The following PLPP4 variants were observed in gnomAD, a reference collection of about 807,000 sequenced individuals.
PLPP4 encodes the protein diacylglycerol pyrophosphate like 2.
In PLPP4, 20 loss-of-function variants were observed where a neutral mutation model predicts 32.2. That is an observed-to-expected ratio of 0.62 (90% CI 0.44 to 0.90). PLPP4 has a LOEUF of 0.90. PLPP4 is among the 40% of genes least tolerant of loss of function. The pLI, the probability that PLPP4 is intolerant of heterozygous loss-of-function variation, is 0.00. For synonymous variants in PLPP4, 127 were observed against 133.0 expected (o/e 0.95, Z 0.31); for missense variants, 257 against 353.1 (o/e 0.73, Z 2.18).
chr10:120,558,796 C>A (rs1031313220), intron 5 of PLPP4, among the ~76,000 whole-genome samples: 1 of 152,176 alleles, frequency 6.6e-6, no homozygotes, highest in Admixed American at 6.5e-5. Context: ...TTCTAATGCT[C>A]ATGGACATTT....
At chr10:120,560,990 A>G (rs1848408021) in intron 5 of PLPP4, among the ~76,000 whole-genome samples, 1 of 152,136 alleles carries the variant, frequency 6.6e-6, no homozygotes, top group Non-Finnish European at 1.5e-5. Flanking sequence ...GGTCAACTGT[A>G]TATGTAATCA....
At chr10:120,528,130 A>T (rs1284326345) in intron 5 of PLPP4, among the ~76,000 whole-genome samples, 2 of 124,576 alleles carry the variant, frequency 1.6e-5, no homozygotes, top group African/African-American at 6.4e-5. Flanking sequence ...GCTGGAGTGC[A>T]GCGGCGCGAT....
At chr10:120,556,762 T>C (rs762403240) in intron 5 of PLPP4, among the ~76,000 whole-genome samples, 14 of 152,194 alleles carry the variant, frequency 9.2e-5, no homozygotes, top group Non-Finnish European at 1.6e-4. Context: ...AGTATCTTGC[T>C]TGAGGTCACA....
chr10:120,572,803 A>C (rs1849005314), intron 5 of PLPP4, among the ~76,000 whole-genome samples: 1 of 152,228 alleles, frequency 6.6e-6, no homozygotes, highest in South Asian at 2.1e-4. Context: ...GGGGATGAGG[A>C]TAGAATTTAA....
At chr10:120,499,907 C>T (rs916167634) in intron 1 of PLPP4, among the ~76,000 whole-genome samples, 2 of 152,156 alleles carry the variant, frequency 1.3e-5, no homozygotes, top group African/African-American at 4.8e-5. Context: ...CATGTCCTCT[C>T]TTGGGAACAC....
chr10:120,576,743 T>C (rs1047400653), intron 6 of PLPP4, among the ~76,000 whole-genome samples: 6 of 152,242 alleles, frequency 3.9e-5, no homozygotes, highest in African/African-American at 1.2e-4. Context: ...GGTCTGAACC[T>C]GCCCTTGTTC....
At chr10:120,486,573 C>T (rs781732984) in intron 1 of PLPP4, among the ~76,000 whole-genome samples, 4 of 152,256 alleles carry the variant, frequency 2.6e-5, no homozygotes, top group East Asian at 1.9e-4. Flanking sequence ...GCGTGTGACA[C>T]ATAAATGCCA....
At chr10:120,527,958 A>G (rs919203986) in intron 5 of PLPP4, among the ~76,000 whole-genome samples, 2 of 152,106 alleles carry the variant, frequency 1.3e-5, no homozygotes, top group Admixed American at 1.3e-4. Flanking sequence ...AAGAGGAAAC[A>G]GGAAAGTAGA....
intron 3 of PLPP4, among the ~76,000 whole-genome samples, chr10:120,516,787 C>G (rs182980135): frequency 6.6e-6 from 1 of 152,300 alleles, no homozygotes; most frequent in African/African-American, 2.4e-5. Flanking sequence ...GTTTGTCCAG[C>G]CTTTCATGGG....
At position 120,580,678 on chromosome 10, in the gene PLPP4, C is replaced by CACCACACACACAA. The variant is rs1554899936; in HGVS notation, c.616+5379_616+5380insCACACACACAAAC. Among the ~76,000 whole-genome samples the CACCACACACACAA allele has an allele frequency of 2.9e-5, 4 of 137,902 alleles. No homozygotes were observed. In the East Asian group the frequency reaches 6.2e-4, roughly 21 times the overall value. The allele number at this position is 137,902 out of a possible 152,430, so 90.5% of individuals were successfully genotyped here. ...ACACACACACACACACACACACACA[C>CACCACACACACAA]ACGGCTGAGGGACATACACTGTTAT... On this transcript the variant is annotated intron_variant, in intron 6 of 6. Coordinates refer to ENST00000398250, the MANE Select transcript of PLPP4 (RefSeq NM_001030059.3).
rs928770185 is a variant in PLPP4 at position 120,534,557 on chromosome 10, T to G, written c.445+13462T>G. 2.8e-4 allele frequency among the ~76,000 whole-genome samples: 42 copies of G among 152,274 alleles called. 1 individual carries two copies. Among genetic ancestry groups the G allele is most frequent in the African/African-American group, 9.9e-4 (41 of 41,566 alleles). On this transcript the variant is annotated intron_variant, in intron 5 of 6. Coordinates refer to ENST00000398250, the MANE Select transcript of PLPP4 (RefSeq NM_001030059.3). ...TCTGCTCCCCCTCCTCTCTTATTACTTCTTCAGGTACTTCCATTACATCTA... is the reference window on the plus strand; with the variant it reads ...TCTGCTCCCCCTCCTCTCTTATTACGTCTTCAGGTACTTCCATTACATCTA...
chr10:120,574,986 G>T, intron 5 of PLPP4, 145 bp from the exon 6 acceptor site: 3 of 728,768 alleles, frequency 4.1e-6, no homozygotes, highest in Non-Finnish European at 7.0e-6. Flanking sequence ...GTGCTAGCAG[G>T]AGCACAGATT....
chr10:120,555,967 T>C (rs538598639), intron 5 of PLPP4, among the ~76,000 whole-genome samples: 11 of 152,296 alleles, frequency 7.2e-5, no homozygotes, highest in African/African-American at 2.6e-4. Flanking sequence ...TCTCTTGTTT[T>C]CTCAGACTGG....
At chr10:120,577,848 C>T (rs141241258) in intron 6 of PLPP4, among the ~76,000 whole-genome samples, 7 of 152,192 alleles carry the variant, frequency 4.6e-5, no homozygotes, top group African/African-American at 9.7e-5. Flanking sequence ...GAGTCAGGCT[C>T]ATTTTACCTG....
intron 2 of PLPP4, among the ~76,000 whole-genome samples, chr10:120,508,212 G>C (rs188927904): frequency 6.6e-6 from 1 of 152,276 alleles, no homozygotes; most frequent in African/African-American, 2.4e-5. Context: ...AAGAGACAAG[G>C]CTGGATCATG....
At chr10:120,502,938 A>C (rs1845328771) in intron 1 of PLPP4, among the ~76,000 whole-genome samples, 1 of 152,100 alleles carries the variant, frequency 6.6e-6, no homozygotes, top group Admixed American at 6.5e-5. Flanking sequence ...CCAGAAGCCC[A>C]AACCAGAAGC....
intron 2 of PLPP4, among the ~76,000 whole-genome samples, chr10:120,507,634 C>T (rs910870336): frequency 6.6e-6 from 1 of 152,124 alleles, no homozygotes; most frequent in Non-Finnish European, 1.5e-5. Flanking sequence ...AGGCACTCCG[C>T]TGTGATGCTT....
intron 5 of PLPP4, among the ~76,000 whole-genome samples, chr10:120,572,536 G>C (rs1304437168): frequency 6.6e-6 from 1 of 152,240 alleles, no homozygotes; most frequent in Non-Finnish European, 1.5e-5. Context: ...ACCCAAGGCT[G>C]CCTCTCCCCT....
At chr10:120,531,627 G>A (rs992411393) in intron 5 of PLPP4, among the ~76,000 whole-genome samples, 1 of 152,016 alleles carries the variant, frequency 6.6e-6, no homozygotes, top group Admixed American at 6.6e-5. Flanking sequence ...GGTAGAGTTT[G>A]AAGTTCATTT....
Sources: gnomAD v4.1 joint callset for allele counts (sites outside exome capture counted in the v4.1 genomes callset) on GRCh38, gnomAD v4.1.1 for gene constraint, MANE v1.5 for transcripts, NCBI Gene and HGNC (gene_info 2026-07-23, HGNC 2026-07-21) for gene names.